ABCC12: variants seen among roughly 807,000 people sequenced by gnomAD.
The protein encoded by ABCC12 is ATP-binding cassette sub-family C member 12.
In ABCC12, 142 loss-of-function variants were observed where a neutral mutation model predicts 151.1. The observed-to-expected ratio is 0.94, with a 90% confidence interval of 0.82 to 1.08. The LOEUF is 1.08. Ranked by LOEUF, ABCC12 falls within the 50% of genes least tolerant of loss-of-function variation. ABCC12 has a pLI of 0.00. For missense variants in ABCC12, 1,638 were observed against 1,691.1 expected (o/e 0.97, Z 0.55); for synonymous variants, 645 against 646.4 (o/e 1.00, Z 0.03).
chr16:48,141,509 G>A (rs997465491), intron 4 of ABCC12, among the ~76,000 whole-genome samples, 156 bp from the exon 5 acceptor site: 4 of 152,234 alleles, frequency 2.6e-5, no homozygotes, highest in African/African-American at 9.6e-5. Flanking sequence ...CTCTTCCTGA[G>A]CAGGTGGGAT....
At chr16:48,136,982 T>A (rs1260486927) in intron 8 of ABCC12, among the ~76,000 whole-genome samples, 4 of 152,190 alleles carry the variant, frequency 2.6e-5, no homozygotes, top group African/African-American at 9.7e-5. Flanking sequence ...GACCTAACTT[T>A]GAATAATCTT....
chr16:48,083,548 C>A lies in ABCC12; in HGVS notation c.*167G>T. The A allele has an allele frequency of 1.4e-6, 1 of 733,382 alleles. No individual in the cohort carries two copies. The highest frequency in any genetic ancestry group is 2.3e-6 in the Non-Finnish European group (1 of 440,962). 45.4% of individuals were successfully genotyped at this position (733,382 alleles called of 1,614,324 possible). A position where few individuals can be genotyped will look rare whatever the true frequency, so the allele number is the denominator to read the frequency against. Reference sequence around the variant, plus strand: ...ACCCCAAGCCCACCAAGTGGGGTGACATGGACTGAGTATGGCAGTGGGGAC... The same window carrying A: ...ACCCCAAGCCCACCAAGTGGGGTGAAATGGACTGAGTATGGCAGTGGGGAC... On this transcript the variant is annotated 3_prime_UTR_variant, in exon 31 of 31. Coordinates refer to ENST00000311303, the MANE Select transcript of ABCC12 (RefSeq NM_001393797.1).
intron 25 of ABCC12, among the ~76,000 whole-genome samples, chr16:48,090,830 T>C (rs1567443969): frequency 6.6e-6 from 1 of 152,082 alleles, no homozygotes; most frequent in Non-Finnish European, 1.5e-5. Flanking sequence ...TGGGCTCTAG[T>C]CTCCCGAGTA....
rs1472727767 is a variant in ABCC12 at position 48,100,914 on chromosome 16, C to T, written c.2996G>A (p.Gly999Asp). ...CTTCTTGCCATAGGCGTGAATGATG[C>T]CCAGGCCCTGCATGGAGGAGGTGAT... is the stretch of plus-strand genomic sequence containing the variant. Reference protein sequence around the residue: ...THITSSMQGLGIIHAYGKKES... With the variant: ...THITSSMQGLDIIHAYGKKES... Residue 999 changes from glycine to aspartate, a missense_variant, in exon 23 of 31, where the codon GGC becomes GAC. Transcript: ENST00000311303. 1 of 1,614,208 alleles carries T rather than the reference C, an allele frequency of 6.2e-7. No homozygotes were observed. The highest frequency in any genetic ancestry group is 1.1e-5 in the South Asian group (1 of 91,082).
At chr16:48,090,522 G>C (rs971913978) in intron 25 of ABCC12, among the ~76,000 whole-genome samples, 11 of 151,520 alleles carry the variant, frequency 7.3e-5, no homozygotes, top group Non-Finnish European at 5.9e-5. Flanking sequence ...GAGATTACAG[G>C]TGTGAGCCAC....
intron 10 of ABCC12, among the ~76,000 whole-genome samples, chr16:48,129,485 G>A (rs954206191): frequency 1.3e-5 from 2 of 152,116 alleles, no homozygotes; most frequent in Non-Finnish European, 2.9e-5. Context: ...TTGTTGGGGT[G>A]GTAGCATGAA....
intron 9 of ABCC12, among the ~76,000 whole-genome samples, chr16:48,131,303 C>A (rs1027589694): frequency 6.6e-6 from 1 of 152,154 alleles, no homozygotes; most frequent in African/African-American, 2.4e-5. Flanking sequence ...GGCATCTGAC[C>A]CTTTAGAGTT....
intron 21 of ABCC12, among the ~76,000 whole-genome samples, chr16:48,104,882 C>A (rs750198288): frequency 3.2e-4 from 49 of 152,312 alleles, no homozygotes; most frequent in Non-Finnish European, 6.8e-4. Flanking sequence ...GCTTGGCCTG[C>A]GCATCTCTGC....
At chr16:48,152,846 G>A (rs940968111) in intron 2 of ABCC12, among the ~76,000 whole-genome samples, 18 of 152,196 alleles carry the variant, frequency 1.2e-4, no homozygotes, top group African/African-American at 4.3e-4. Flanking sequence ...TCAATTGCAC[G>A]AAAGACAAAG....
chr16:48,153,622 C>T lies in ABCC12; in HGVS notation c.-57G>A, dbSNP rs1035061832. 1.3e-5 allele frequency: 2 copies of T among 152,218 alleles called. No individual in the cohort carries two copies. Among genetic ancestry groups the T allele is most frequent in the Non-Finnish European group, 2.9e-5 (2 of 68,048 alleles). The allele number at this position is 152,218 out of a possible 1,614,324, so 9.4% of individuals were successfully genotyped here. ...GTCAGTGGAGAACCCTTACCTATAA[C>T]TTCTATTTTTTGGTTCCCTTTTCTA... is the stretch of plus-strand genomic sequence containing the variant. On this transcript the variant is annotated 5_prime_UTR_variant, in exon 2 of 31. Transcript: ENST00000311303.
rs543482819 is a variant in ABCC12 at position 48,081,492 on chromosome 16, G to A, written c.*2223C>T. Among the ~76,000 whole-genome samples, 2 of 152,294 alleles carry A rather than the reference G, an allele frequency of 1.3e-5. No homozygotes were observed. The highest frequency in any genetic ancestry group is 1.3e-4 in the Admixed American group (2 of 15,304). Reference sequence around the variant, plus strand: ...CTTTGTTGTGAAGGGGTTGGGAGCAGGGCCTGTGGAGCCAGACTGGTTAGG... The same window carrying A: ...CTTTGTTGTGAAGGGGTTGGGAGCAAGGCCTGTGGAGCCAGACTGGTTAGG... On this transcript the variant is annotated 3_prime_UTR_variant, in exon 31 of 31. Coordinates refer to ENST00000311303, the MANE Select transcript of ABCC12 (RefSeq NM_001393797.1).
intron 13 of ABCC12, among the ~76,000 whole-genome samples, chr16:48,120,007 T>C (rs1217340727): frequency 1.3e-5 from 2 of 152,166 alleles, no homozygotes; most frequent in East Asian, 1.9e-4. Context: ...AATGAGAGAA[T>C]GTACGTGGCA....
At chr16:48,110,292 T>C (rs1393769681) in intron 18 of ABCC12, among the ~76,000 whole-genome samples, 1 of 152,202 alleles carries the variant, frequency 6.6e-6, no homozygotes, top group East Asian at 1.9e-4. Flanking sequence ...TGCTAGTATG[T>C]CATATCGTTT....
intron 2 of ABCC12, among the ~76,000 whole-genome samples, chr16:48,147,142 C>G (rs1965031502): frequency 6.6e-6 from 1 of 152,140 alleles, no homozygotes; most frequent in Non-Finnish European, 1.5e-5. Context: ...TCTGTGACTG[C>G]TGCCCCAAAT....
chr16:48,131,763 TG>T (rs1334793834), intron 9 of ABCC12, among the ~76,000 whole-genome samples: 1 of 152,218 alleles, frequency 6.6e-6, no homozygotes, highest in Non-Finnish European at 1.5e-5. Context: ...TGCTGTTAAA[TG>T]GGCCCCATGG....
intron 8 of ABCC12, among the ~76,000 whole-genome samples, chr16:48,135,222 A>AT: frequency 1.3e-5 from 2 of 152,192 alleles, no homozygotes; most frequent in East Asian, 3.9e-4. Flanking sequence ...GAGCCGCCTG[A>AT]TTCTCCTTGC....
chr16:48,150,987 T>C (rs1464811675), intron 2 of ABCC12, among the ~76,000 whole-genome samples: 1 of 152,276 alleles, frequency 6.6e-6, no homozygotes, highest in East Asian at 1.9e-4. Flanking sequence ...ACTGTGTACA[T>C]GTATAGCAGT....
At chr16:48,129,300 T>C (rs775474013) in intron 10 of ABCC12, among the ~76,000 whole-genome samples, 3 of 152,216 alleles carry the variant, frequency 2.0e-5, no homozygotes, top group Admixed American at 6.5e-5. Flanking sequence ...GACAAAGCAC[T>C]GTGACTGCCA....
At chr16:48,100,781 A>G in intron 23 of ABCC12, 91 bp downstream of exon 23, 2 of 1,471,922 alleles carry the variant, frequency 1.4e-6, no homozygotes, top group Non-Finnish European at 1.8e-6. Context: ...ATCAGTCCCC[A>G]GCAGCCCAGA....
Sources: allele counts gnomAD v4.1 joint callset (sites outside exome capture counted in the v4.1 genomes callset), GRCh38; gene constraint gnomAD v4.1.1; transcripts MANE v1.5; gene names NCBI Gene and HGNC (gene_info 2026-07-23, HGNC 2026-07-21).